The following TRHDE variants were observed in gnomAD, a reference collection of about 807,000 sequenced individuals.
TRHDE encodes the protein thyrotropin releasing hormone degrading enzyme, also known as thyrotropin-releasing hormone-degrading ectoenzyme.
A neutral mutation model predicts 125.7 loss-of-function variants in TRHDE; 72 were observed. The ratio of observed to expected loss-of-function variants is 0.57; its 90% CI spans 0.47 to 0.70. The LOEUF (loss-of-function observed/expected upper bound fraction) is 0.70. TRHDE is among the 30% of genes least tolerant of loss of function. The pLI, the probability that TRHDE is intolerant of heterozygous loss-of-function variation, is 0.00. For missense variants in TRHDE, 1,110 were observed against 1,327.1 expected (o/e 0.84, Z 2.54); for synonymous variants, 509 against 509.1 (o/e 1.00, Z 0.00).
At chr12:72,158,300 G>T (rs1034622441) in intron 2 of TRHDE, among the ~76,000 whole-genome samples, 20 of 151,790 alleles carry the variant, frequency 1.3e-4, no homozygotes, top group African/African-American at 4.8e-4. Context: ...ACCAGCACTT[G>T]TACCCCGTGA....
intron 2 of TRHDE, among the ~76,000 whole-genome samples, chr12:72,311,299 T>C (rs1372460233): frequency 6.6e-6 from 1 of 152,150 alleles, no homozygotes; most frequent in Non-Finnish European, 1.5e-5. Context: ...GTTATTGGAC[T>C]TCATTACTAA....
intron 5 of TRHDE, among the ~76,000 whole-genome samples, chr12:72,496,327 A>G (rs1395855684): frequency 6.6e-6 from 1 of 152,170 alleles, no homozygotes; most frequent in African/African-American, 2.4e-5. Flanking sequence ...AGACTGGGTA[A>G]TTTATGAAGG....
intron 15 of TRHDE, among the ~76,000 whole-genome samples, chr12:72,639,877 C>T (rs1158677273): frequency 1.4e-4 from 22 of 152,254 alleles, no homozygotes; most frequent in East Asian, 5.8e-4. Flanking sequence ...TCTCCAGCTG[C>T]GTGCTGGGAG....
At chr12:72,516,733 G>T (rs571950971) in intron 6 of TRHDE, among the ~76,000 whole-genome samples, 1 of 151,236 alleles carries the variant, frequency 6.6e-6, no homozygotes, top group East Asian at 1.9e-4. Flanking sequence ...AGTTTTCAAA[G>T]GGAATGCTTC....
chr12:72,506,570 T>A (rs1050558719), intron 6 of TRHDE, among the ~76,000 whole-genome samples: 1 of 152,196 alleles, frequency 6.6e-6, no homozygotes, highest in Non-Finnish European at 1.5e-5. Context: ...GGTACTTAAG[T>A]GATTGCCACA....
chr12:72,488,409 G>A (rs1877511334), intron 5 of TRHDE, among the ~76,000 whole-genome samples: 1 of 151,972 alleles, frequency 6.6e-6, no homozygotes, highest in Non-Finnish European at 1.5e-5. Flanking sequence ...ATCAAAAGAG[G>A]CAAAGATGGT....
At chr12:72,240,424 A>T (rs1878454105) in intron 2 of TRHDE, among the ~76,000 whole-genome samples, 1 of 151,162 alleles carries the variant, frequency 6.6e-6, no homozygotes, top group African/African-American at 2.4e-5. Context: ...GTAACTCACC[A>T]TTTTTACTTA....
chr12:72,283,704 A>G (rs1879777016), intron 1 of TRHDE, among the ~76,000 whole-genome samples: 1 of 152,124 alleles, frequency 6.6e-6, no homozygotes, highest in African/African-American at 2.4e-5. Context: ...TAATCAAATT[A>G]TCCTTAGCCC....
chr12:72,178,551 A>G (rs1877034995), intron 2 of TRHDE, among the ~76,000 whole-genome samples: 1 of 152,112 alleles, frequency 6.6e-6, no homozygotes. Flanking sequence ...GAACAAAATT[A>G]CTGTAGCCTG....
At chr12:72,136,225 G>A (rs922665256) in intron 2 of TRHDE, among the ~76,000 whole-genome samples, 27 of 152,096 alleles carry the variant, frequency 1.8e-4, no homozygotes, top group Non-Finnish European at 2.6e-4. Context: ...TTTAAAAAAC[G>A]TGCACTGTAA....
At chr12:72,389,160 G>T (rs1032384109) in intron 3 of TRHDE, among the ~76,000 whole-genome samples, 1 of 152,100 alleles carries the variant, frequency 6.6e-6, no homozygotes. Context: ...TTGCTGGGTG[G>T]AGAGGGATTG....
intron 2 of TRHDE, among the ~76,000 whole-genome samples, chr12:72,139,060 G>C (rs1272767269): frequency 6.6e-6 from 1 of 152,176 alleles, no homozygotes; most frequent in Non-Finnish European, 1.5e-5. Context: ...TCCCTAACTA[G>C]GGGTTACCAT....
chr12:72,405,372 A>G (rs1050906997), intron 3 of TRHDE, among the ~76,000 whole-genome samples: 6 of 152,282 alleles, frequency 3.9e-5, no homozygotes, highest in Admixed American at 3.3e-4. Context: ...TGTGTTTACT[A>G]TGTTTATGAT....
At chr12:72,283,382 G>C (rs534453220) in intron 1 of TRHDE, among the ~76,000 whole-genome samples, 1 of 152,232 alleles carries the variant, frequency 6.6e-6, no homozygotes, top group South Asian at 2.1e-4. Flanking sequence ...TCTTTACCAA[G>C]GGACTTCTTT....
chr12:72,427,542 G>A (rs1874243213), intron 3 of TRHDE, among the ~76,000 whole-genome samples: 1 of 152,028 alleles, frequency 6.6e-6, no homozygotes, highest in African/African-American at 2.4e-5. Context: ...GGCTTTTGTT[G>A]GGGAAGGGGA....
At chr12:72,095,313 A>G (rs886498647) in intron 1 of TRHDE, among the ~76,000 whole-genome samples, 7 of 152,224 alleles carry the variant, frequency 4.6e-5, no homozygotes, top group African/African-American at 1.7e-4. Flanking sequence ...GAGCTGGAAA[A>G]GAGAACAATA....
At chr12:72,170,735 A>G (rs77775313) in intron 2 of TRHDE, among the ~76,000 whole-genome samples, 5,778 of 152,218 alleles carry the variant, frequency 0.038, 212 homozygotes, top group African/African-American at 0.092. Flanking sequence ...AAGAATAACT[A>G]ATCTTGTGTG....
intron 6 of TRHDE, among the ~76,000 whole-genome samples, chr12:72,525,971 T>C (rs966475689): frequency 6.6e-6 from 1 of 152,126 alleles, no homozygotes; most frequent in African/African-American, 2.4e-5. Context: ...TAACTCCCAG[T>C]GTAGTTGAGA....
At chr12:72,640,292 T>C (rs1873994462) in intron 15 of TRHDE, among the ~76,000 whole-genome samples, 1 of 152,186 alleles carries the variant, frequency 6.6e-6, no homozygotes, top group African/African-American at 2.4e-5. Context: ...CACCCCTTTC[T>C]TTGACAAGGA....
Sources: gnomAD v4.1 joint callset for allele counts (sites outside exome capture counted in the v4.1 genomes callset) on GRCh38, gnomAD v4.1.1 for gene constraint, MANE v1.5 for transcripts, NCBI Gene and HGNC (gene_info 2026-07-23, HGNC 2026-07-21) for gene names.